Variants in RNFT2 observed in about 807,000 individuals in gnomAD.
RNFT2 encodes E3 ubiquitin-protein ligase RNFT2.
A neutral mutation model predicts 53.0 loss-of-function variants in RNFT2; 36 were observed. That is an observed-to-expected ratio of 0.68 (90% CI 0.52 to 0.90). RNFT2 has a LOEUF of 0.90. RNFT2 is among the 40% of genes least tolerant of loss of function. The pLI, the probability that RNFT2 is intolerant of heterozygous loss-of-function variation, is 0.00. For synonymous variants in RNFT2, 260 were observed against 253.2 expected (o/e 1.03, Z -0.26); for missense variants, 514 against 585.6 (o/e 0.88, Z 1.26).
chr12:116,827,219 C>CA (rs753600365), intron 7 of RNFT2, among the ~76,000 whole-genome samples: 6,607 of 92,190 alleles, frequency 0.072, 253 homozygotes, highest in Middle Eastern at 0.16. Context: ...GACTCCATCT[C>CA]AAAAAAAAAA....
chr12:116,827,610 T>C (rs1253561786), intron 7 of RNFT2, among the ~76,000 whole-genome samples: 2 of 152,238 alleles, frequency 1.3e-5, no homozygotes, highest in Non-Finnish European at 2.9e-5. Context: ...TAAAGTTTTA[T>C]TGGAACACAG....
rs977757286 is a variant in RNFT2, at chr12:116,796,264, T to C, written c.882+16916T>C. Among the ~76,000 whole-genome samples, 8 of 152,154 alleles carry C rather than the reference T, an allele frequency of 5.3e-5. No individual in the cohort carries two copies. The East Asian group carries it at 1.5e-3, about 29-fold the overall frequency. ...TTATCATAAGGTGCAAGGTCAGGTA[T>C]CTCATTGCTGGGTGGTTACTAGGAC... On this transcript the variant is annotated intron_variant, in intron 7 of 10. Coordinates refer to ENST00000257575, the MANE Select transcript of RNFT2 (RefSeq NM_001382266.1).
rs745379393 is a variant in RNFT2, at chr12:116,849,383, G to T, written c.1270G>T (p.Val424Phe). The T allele has an allele frequency of 4.5e-6, 7 of 1,560,314 alleles. No individual in the cohort carries two copies. Among genetic ancestry groups the T allele is most frequent in the Admixed American group, 3.8e-5 (2 of 52,810 alleles). ...GCGCACCTGCCCGCTCTGCCGCTCG[G>T]TCGCCGTGGACACCCTGCGCTGCTG... ...RERTCPLCRS[V>F]AVDTLRCWKD... The change falls in exon 11 of 11, where the codon GTC becomes TTC. Residue 424 changes from valine (V) to phenylalanine (F), a missense_variant. This residue lies in a region of RNFT2 where 273 missense variants were observed against 334.4 expected (regional missense o/e 0.82). Transcript: ENST00000257575.
intron 7 of RNFT2, among the ~76,000 whole-genome samples, chr12:116,781,949 T>C (rs1566079451): frequency 1.3e-5 from 2 of 151,736 alleles, no homozygotes; most frequent in African/African-American, 4.8e-5. Flanking sequence ...CGTGGCAGCA[T>C]GCGCCTGTAG....
At chr12:116,814,063 A>T (rs1875516264) in intron 7 of RNFT2, among the ~76,000 whole-genome samples, 1 of 152,188 alleles carries the variant, frequency 6.6e-6, no homozygotes, top group African/African-American at 2.4e-5. Context: ...CTTGGAAAAC[A>T]TGACCCCAGC....
intron 10 of RNFT2, among the ~76,000 whole-genome samples, chr12:116,843,726 A>C (rs1160477825): frequency 6.6e-6 from 1 of 152,032 alleles, no homozygotes; most frequent in Non-Finnish European, 1.5e-5. Context: ...TGGTTTTTTG[A>C]ACCTTTTCAT....
chr12:116,760,209 C>T (rs984117699), intron 5 of RNFT2, among the ~76,000 whole-genome samples: 5 of 152,188 alleles, frequency 3.3e-5, no homozygotes, highest in Non-Finnish European at 5.9e-5. Context: ...CCCACCACAA[C>T]AGCCCCCAGA....
At chr12:116,822,950 T>C (rs775915870) in intron 7 of RNFT2, among the ~76,000 whole-genome samples, 2 of 152,214 alleles carry the variant, frequency 1.3e-5, no homozygotes, top group East Asian at 1.9e-4. Context: ...TGAGCCAAGA[T>C]TGAGCCACTG....
chr12:116,849,364 C>A lies in RNFT2; in HGVS notation c.1251C>A (p.Thr417=). 1 of 1,549,182 alleles carries A rather than the reference C, an allele frequency of 6.5e-7. No individual in the cohort carries two copies. The highest frequency in any genetic ancestry group is 8.7e-7 in the Non-Finnish European group (1 of 1,150,636). The change falls in exon 11 of 11, where the codon ACC becomes ACA. Residue 417 remains threonine (T), a synonymous_variant. Transcript: ENST00000257575. ...GCCTGTGGCTGGACCGTGAGCGCAC[C>A]TGCCCGCTCTGCCGCTCGGTCGCCG... The part of the protein sequence containing the change: ...CLCLWLDRER[T]CPLCRSVAVD...
chr12:116,845,272 TATAG>T lies in RNFT2; in HGVS notation c.1201-4040_1201-4037del, dbSNP rs1184442096. Among the ~76,000 whole-genome samples the T allele has an allele frequency of 9.4e-3, 1,192 of 126,960 alleles. 9 individuals carry two copies. Among genetic ancestry groups the T allele is most frequent in the African/African-American group, 0.022 (565 of 25,478 alleles). The allele number at this position is 126,960 out of a possible 152,430, so 83.3% of individuals were successfully genotyped here. On this transcript the variant is annotated intron_variant, in intron 10 of 10. Transcript: ENST00000257575. The stretch of plus-strand genomic sequence containing the variant: ...AAAAAAAAAAAAATATATATATATA[TATAG>T]AGAGAGAGAGAGAGAGAGAGCTCTT...
intron 3 of RNFT2, among the ~76,000 whole-genome samples, chr12:116,746,160 C>A (rs975217666): frequency 6.6e-6 from 1 of 152,068 alleles, no homozygotes; most frequent in Non-Finnish European, 1.5e-5. Flanking sequence ...TCACTTGAGC[C>A]CGGGAGGCAG....
intron 5 of RNFT2, among the ~76,000 whole-genome samples, chr12:116,762,165 G>T (rs1053014936): frequency 9.9e-5 from 15 of 151,880 alleles, no homozygotes; most frequent in Non-Finnish European, 8.8e-5. Flanking sequence ...GATCACTTGA[G>T]GTCAGGAGTT....
intron 7 of RNFT2, among the ~76,000 whole-genome samples, chr12:116,820,085 ATTGT>A (rs974469726): frequency 3.9e-5 from 6 of 152,068 alleles, no homozygotes; most frequent in Admixed American, 6.6e-5. Flanking sequence ...TTTAAGGGAT[ATTGT>A]TTGTTTGTTT....
intron 7 of RNFT2, among the ~76,000 whole-genome samples, chr12:116,780,060 T>C (rs1297271155): frequency 6.6e-6 from 1 of 152,166 alleles, no homozygotes; most frequent in Admixed American, 6.5e-5. Flanking sequence ...AAAACAGCCA[T>C]CTTTCAAGTT....
intron 7 of RNFT2, among the ~76,000 whole-genome samples, chr12:116,793,512 T>C (rs1874350657): frequency 6.6e-6 from 1 of 152,136 alleles, no homozygotes; most frequent in South Asian, 2.1e-4. Context: ...ATAGCTCATA[T>C]GTGTTGCATT....
chr12:116,814,863 C>T (rs1163833978), intron 7 of RNFT2, among the ~76,000 whole-genome samples: 1 of 151,958 alleles, frequency 6.6e-6, no homozygotes, highest in Non-Finnish European at 1.5e-5. Flanking sequence ...ATTTTTAGTA[C>T]AGATGGTGTT....
At chr12:116,785,156 C>A (rs1388478750) in intron 7 of RNFT2, among the ~76,000 whole-genome samples, 3 of 151,970 alleles carry the variant, frequency 2.0e-5, no homozygotes, top group African/African-American at 7.3e-5. Flanking sequence ...CAGAGATGCT[C>A]CTTCTCTAAT....
At chr12:116,767,838 A>G (rs1763214326) in intron 6 of RNFT2, among the ~76,000 whole-genome samples, 1 of 152,194 alleles carries the variant, frequency 6.6e-6, no homozygotes, top group African/African-American at 2.4e-5. Flanking sequence ...TTGGCCTCCC[A>G]AAGTGCTGGG....
At chr12:116,781,391 C>G (rs1328689293) in intron 7 of RNFT2, among the ~76,000 whole-genome samples, 3 of 152,154 alleles carry the variant, frequency 2.0e-5, no homozygotes, top group African/African-American at 7.2e-5. Flanking sequence ...ATTCCCCCAG[C>G]ATGTTAGTCT....
Sources: gnomAD v4.1 joint callset for allele counts (sites outside exome capture counted in the v4.1 genomes callset) on GRCh38, gnomAD v4.1.1 for gene constraint, gnomAD v4.1.1 regional missense constraint, MANE v1.5 for transcripts, NCBI Gene and HGNC (gene_info 2026-07-23, HGNC 2026-07-21) for gene names.